The following CREB5 variants were observed in gnomAD, a reference collection of about 807,000 sequenced individuals.
The protein encoded by CREB5 is cyclic AMP-responsive element-binding protein 5.
A neutral mutation model predicts 57.1 loss-of-function variants in CREB5; 19 were observed. The ratio of observed to expected loss-of-function variants is 0.33; its 90% CI spans 0.23 to 0.49. CREB5 has a LOEUF of 0.49. Among genes scored for constraint, CREB5 ranks in the 20% least tolerant of loss-of-function variants. The probability of loss-of-function intolerance (pLI) is 0.99; values close to 1 mark genes in which losing one functional copy is unlikely to be tolerated. For synonymous variants in CREB5, 238 were observed against 238.3 expected (o/e 1.00, Z 0.01); for missense variants, 579 against 671.6 (o/e 0.86, Z 1.52).
At chr7:28,360,148 G>A (rs1786444921) in intron 1 of CREB5, among the ~76,000 whole-genome samples, 1 of 152,132 alleles carries the variant, frequency 6.6e-6, no homozygotes, top group African/African-American at 2.4e-5. Flanking sequence ...CAACCACTGT[G>A]AAAAACCATA....
At chr7:28,734,206 CAAAAAAAAAAAA>C (rs61403862) in intron 7 of CREB5, among the ~76,000 whole-genome samples, 2 of 96,434 alleles carry the variant, frequency 2.1e-5, no homozygotes, top group East Asian at 4.1e-4. Context: ...TTCAGTAGTT[CAAAAAAAAAAAA>C]AAAAAAAAAA....
intron 1 of CREB5, among the ~76,000 whole-genome samples, chr7:28,446,247 G>C (rs1015580598): frequency 6.8e-6 from 1 of 146,584 alleles, no homozygotes; most frequent in Admixed American, 6.8e-5. Context: ...TGCCTCCCCA[G>C]CTCCAGGAAG....
intron 1 of CREB5, among the ~76,000 whole-genome samples, chr7:28,330,602 A>T (rs1364680790): frequency 6.7e-5 from 10 of 149,854 alleles, no homozygotes; most frequent in Non-Finnish European, 8.9e-5. Context: ...TCTTTGCAAA[A>T]CAGAATAGTG....
intron 3 of CREB5, among the ~76,000 whole-genome samples, chr7:28,499,061 TG>T (rs1792170627): frequency 6.6e-6 from 1 of 150,808 alleles, no homozygotes; most frequent in Non-Finnish European, 1.5e-5. Context: ...GTAAAGAGGG[TG>T]GTGTTTGAGT....
chr7:28,644,503 G>A (rs916122248), intron 5 of CREB5, among the ~76,000 whole-genome samples: 2 of 152,070 alleles, frequency 1.3e-5, no homozygotes, highest in Admixed American at 6.6e-5. Flanking sequence ...ACCTTGTCGC[G>A]CCCCCAACGT....
chr7:28,354,555 G>GTA (rs1251189029), intron 1 of CREB5, among the ~76,000 whole-genome samples: 3 of 152,122 alleles, frequency 2.0e-5, no homozygotes, highest in Non-Finnish European at 4.4e-5. Flanking sequence ...CCCTCTATAT[G>GTA]TATCTCTCTA....
intron 1 of CREB5, among the ~76,000 whole-genome samples, chr7:28,427,066 C>T (rs902982724): frequency 3.3e-5 from 5 of 152,150 alleles, no homozygotes; most frequent in African/African-American, 1.2e-4. Context: ...TAATTTTAAA[C>T]TCTGTTGCTA....
At chr7:28,389,239 G>A (rs1257499314) in intron 1 of CREB5, among the ~76,000 whole-genome samples, 1 of 152,166 alleles carries the variant, frequency 6.6e-6, no homozygotes, top group Admixed American at 6.5e-5. Context: ...AAAGATCTGA[G>A]TAATGCTGTA....
intron 4 of CREB5, among the ~76,000 whole-genome samples, chr7:28,565,693 T>C (rs1163535785): frequency 6.6e-6 from 1 of 152,030 alleles, no homozygotes; most frequent in African/African-American, 2.4e-5. Context: ...CTTTGGGAAG[T>C]GGGTGGATCA....
intron 5 of CREB5, among the ~76,000 whole-genome samples, chr7:28,695,700 C>T (rs928762087): frequency 6.6e-6 from 1 of 152,150 alleles, no homozygotes; most frequent in Non-Finnish European, 1.5e-5. Flanking sequence ...CATGCCTGAG[C>T]CCTGGCTACA....
chr7:28,644,136 A>G (rs549354553), intron 5 of CREB5, among the ~76,000 whole-genome samples: 1 of 151,846 alleles, frequency 6.6e-6, no homozygotes, highest in East Asian at 1.9e-4. Context: ...AGAGAAAGAA[A>G]AAGAAAAGAA....
chr7:28,782,366 C>A (rs1807039477), intron 7 of CREB5, among the ~76,000 whole-genome samples: 1 of 89,700 alleles, frequency 1.1e-5, no homozygotes, highest in Admixed American at 1.0e-4. Flanking sequence ...ACATTGTCAG[C>A]AGCAGAAATT....
intron 7 of CREB5, among the ~76,000 whole-genome samples, chr7:28,765,336 C>T (rs777498110): frequency 1.3e-5 from 2 of 152,166 alleles, no homozygotes; most frequent in Non-Finnish European, 2.9e-5. Flanking sequence ...AAGTGTTTTA[C>T]CCTTGTACAA....
At chr7:28,543,405 T>C (rs1794287338) in intron 4 of CREB5, among the ~76,000 whole-genome samples, 1 of 152,170 alleles carries the variant, frequency 6.6e-6, no homozygotes, top group Non-Finnish European at 1.5e-5. Flanking sequence ...CATTTGTCTA[T>C]CCACTTCTCC....
At chr7:28,486,630 T>C (rs1014287280) in intron 1 of CREB5, among the ~76,000 whole-genome samples, 2 of 139,054 alleles carry the variant, frequency 1.4e-5, no homozygotes, top group African/African-American at 5.3e-5. Flanking sequence ...ATTATTTAAA[T>C]TGTGTGACTT....
intron 9 of CREB5, among the ~76,000 whole-genome samples, chr7:28,816,055 GCACACACACACACACACACA>G (rs34917973): frequency 1.4e-5 from 2 of 145,258 alleles, no homozygotes; most frequent in Non-Finnish European, 3.0e-5. Flanking sequence ...AAATATATAC[GCACACACACACACACACACA>G]CACACACACA....
rs142891663 is a variant in CREB5, at chr7:28,310,611, A to G, written c.-25+11170A>G. Among the ~76,000 whole-genome samples the G allele has an allele frequency of 1.2e-4, 18 of 152,370 alleles. No homozygotes were observed. The East Asian group carries it at 3.3e-3, about 28-fold the overall frequency. ...CAAGTGCAGGGTGATACATTTCTCT[A>G]TATATTTGTCTAAGGATTTTTAAAT... On this transcript the variant is annotated intron_variant, in intron 1 of 9. Coordinates refer to the CREB5 transcript ENST00000396299.
chr7:28,780,410 T>TAGGG (rs1806906065), intron 7 of CREB5, among the ~76,000 whole-genome samples: 1 of 152,156 alleles, frequency 6.6e-6, no homozygotes, highest in Admixed American at 6.5e-5. Flanking sequence ...ACAACGTAAT[T>TAGGG]AATCCTATAT....
intron 1 of CREB5, among the ~76,000 whole-genome samples, chr7:28,362,464 G>A (rs1786506285): frequency 6.6e-6 from 1 of 152,142 alleles, no homozygotes; most frequent in Non-Finnish European, 1.5e-5. Flanking sequence ...AAAATAGATT[G>A]TGCATATGCC....
Sources: gnomAD v4.1 joint callset for allele counts (sites outside exome capture counted in the v4.1 genomes callset) on GRCh38, gnomAD v4.1.1 for gene constraint, MANE v1.5 for transcripts, NCBI Gene and HGNC (gene_info 2026-07-23, HGNC 2026-07-21) for gene names.